The following HHIP variants were observed in gnomAD, a reference collection of about 807,000 sequenced individuals.
HHIP encodes hedgehog interacting protein.
HHIP carries 12 observed loss-of-function variants against 74.0 expected under a neutral mutation model. That is an observed-to-expected ratio of 0.16 (90% CI 0.10 to 0.26). HHIP has a LOEUF of 0.26. HHIP is among the 10% of genes least tolerant of loss of function. The pLI is 1.00. For synonymous variants in HHIP, 309 were observed against 311.6 expected (o/e 0.99, Z 0.09); for missense variants, 788 against 845.0 (o/e 0.93, Z 0.84).
At chr4:144,658,385 T>TTTA (rs1728606366) in intron 2 of HHIP, among the ~76,000 whole-genome samples, 4 of 136,854 alleles carry the variant, frequency 2.9e-5, no homozygotes, top group African/African-American at 8.7e-5. Flanking sequence ...TTATTTATTT[T>TTTA]TTCAGAAGGT....
rs957902418 is a variant in HHIP, at chr4:144,742,563, A to G, written c.*4606A>G. ...GGAAAAAATAAGAAGCAGTTCCTCA[A>G]TGGAGACTTTATAAATCTTAATTTC... On this transcript the variant is annotated 3_prime_UTR_variant, in exon 13 of 13. Transcript: ENST00000296575. 2 of 151,912 alleles carry G rather than the reference A, an allele frequency of 1.3e-5. No individual in the cohort carries two copies. The highest frequency in any genetic ancestry group is 2.9e-5 in the Non-Finnish European group (2 of 67,952). The allele number at this position is 151,912 out of a possible 1,614,324, so 9.4% of individuals were successfully genotyped here.
At chr4:144,720,598 G>A (rs953318538) in intron 11 of HHIP, among the ~76,000 whole-genome samples, 2 of 151,966 alleles carry the variant, frequency 1.3e-5, no homozygotes, top group African/African-American at 2.4e-5. Flanking sequence ...CTCTAGTAGG[G>A]TGGTCTCAGA....
chr4:144,670,717 A>AC (rs1729014318), intron 4 of HHIP, among the ~76,000 whole-genome samples: 1 of 150,036 alleles, frequency 6.7e-6, no homozygotes, highest in African/African-American at 2.4e-5. Context: ...GAAAAAAAAA[A>AC]AAAACAAACA....
intron 4 of HHIP, among the ~76,000 whole-genome samples, chr4:144,690,630 AC>A (rs1158143506): frequency 6.6e-6 from 1 of 152,234 alleles, no homozygotes; most frequent in Non-Finnish European, 1.5e-5. Flanking sequence ...CAGAGCGGAG[AC>A]TGGAAAGAGA....
chr4:144,647,290 G>A (rs893016727), intron 1 of HHIP: 6 of 239,428 alleles, frequency 2.5e-5, no homozygotes, highest in Admixed American at 5.5e-5. Context: ...CATTGGCTGC[G>A]GTGAAACTGT....
Position 144,710,845 on chromosome 4 carries a change from T to C in HHIP, c.1302-1105T>C, listed in dbSNP as rs141927541. Among the ~76,000 whole-genome samples, 914 of 152,318 alleles carry C rather than the reference T, an allele frequency of 6.0e-3. 10 individuals carry two copies. The highest frequency in any genetic ancestry group is 0.021 in the African/African-American group (888 of 41,570). ...GCCCAAAATGTCAGCAGTGCCAAGA[T>C]AGAGAAACCTAAAAACAATGCAAGC... On this transcript the variant is annotated intron_variant, in intron 7 of 12. Transcript: ENST00000296575.
At chr4:144,714,394 T>C in intron 9 of HHIP, 46 bp downstream of exon 9, 4 of 1,594,822 alleles carry the variant, frequency 2.5e-6, no homozygotes, top group South Asian at 2.2e-5. Flanking sequence ...AAATGACATA[T>C]CCATTAATCA....
intron 7 of HHIP, among the ~76,000 whole-genome samples, chr4:144,710,737 T>C (rs1019685324): frequency 3.9e-5 from 6 of 152,300 alleles, no homozygotes; most frequent in Admixed American, 2.6e-4. Flanking sequence ...GTGATGCTAC[T>C]GGCATTTTGC....
At chr4:144,668,357 T>C (rs538060125) in intron 4 of HHIP, among the ~76,000 whole-genome samples, 1 of 149,654 alleles carries the variant, frequency 6.7e-6, no homozygotes, top group African/African-American at 2.5e-5. Context: ...TGCCATGAAA[T>C]CAGAGAAGAG....
At chr4:144,671,477 C>G (rs1202315594) in intron 4 of HHIP, among the ~76,000 whole-genome samples, 3 of 152,160 alleles carry the variant, frequency 2.0e-5, no homozygotes, top group South Asian at 4.1e-4. Context: ...GGAGAGACTA[C>G]TAAATAAAAC....
chr4:144,721,594 GAAA>G (rs34173170), intron 11 of HHIP, among the ~76,000 whole-genome samples: 2 of 130,268 alleles, frequency 1.5e-5, no homozygotes, highest in Admixed American at 7.5e-5. Context: ...GTTATTTAAG[GAAA>G]AAAAAAAAAA....
At chr4:144,650,462 T>G (rs1403805721) in intron 1 of HHIP, among the ~76,000 whole-genome samples, 1 of 152,064 alleles carries the variant, frequency 6.6e-6, no homozygotes, top group African/African-American at 2.4e-5. Flanking sequence ...GACGGCATCA[T>G]CAGAAATAAA....
At chr4:144,694,107 A>C (rs1729750866) in intron 4 of HHIP, among the ~76,000 whole-genome samples, 1 of 151,992 alleles carries the variant, frequency 6.6e-6, no homozygotes, top group Admixed American at 6.6e-5. Context: ...AAAATATCAA[A>C]GATTCAAAGA....
rs557580153 is a variant in HHIP at position 144,689,407 on chromosome 4, G to T, written c.832-17124G>T. ...GTTACAAAGAAAAACAAATTGTCTA[G>T]TGTTACCGCTTAATACTTTGCCTGA... On this transcript the variant is annotated intron_variant, in intron 4 of 12. Transcript: ENST00000296575. Among the ~76,000 whole-genome samples the T allele has an allele frequency of 1.2e-3, 187 of 152,314 alleles. 2 individuals carry two copies. The South Asian group carries it at 0.015, about 12-fold the overall frequency.
chr4:144,646,787 A>G lies in HHIP; in HGVS notation c.112A>G (p.Arg38Gly). ...CGAAGGGAGCGGAGCAAGGAGGAGAAGGTGCCTGAATGGGAACCCCCCGAA... is the reference window on the plus strand; with the variant it reads ...CGAAGGGAGCGGAGCAAGGAGGAGAGGGTGCCTGAATGGGAACCCCCCGAA... ...RNEGSGARRRRCLNGNPPKRL... is the reference protein window; with the variant it reads ...RNEGSGARRRGCLNGNPPKRL... The change falls in exon 1 of 13, where the codon AGG becomes GGG. Residue 38 changes from arginine to glycine, a missense_variant. Around this residue, in one of 3 missense-constraint regions of HHIP, gnomAD observed 373 missense variants for 366.4 expected, o/e 1.02. Transcript: ENST00000296575. The G allele has an allele frequency of 6.2e-7, 1 of 1,614,222 alleles. No individual in the cohort carries two copies. Among genetic ancestry groups the G allele is most frequent in the South Asian group, 1.1e-5 (1 of 91,082 alleles).
At chr4:144,730,082 T>C (rs1420962984) in intron 11 of HHIP, among the ~76,000 whole-genome samples, 1 of 152,192 alleles carries the variant, frequency 6.6e-6, no homozygotes, top group Non-Finnish European at 1.5e-5. Flanking sequence ...AGAATACCAC[T>C]ACCCAAAGAC....
rs770375640 is a variant in HHIP, at chr4:144,743,368, T to A, written c.*5411T>A. 6.6e-6 allele frequency: 1 copy of A among 151,904 alleles called. No individual in the cohort carries two copies. Among genetic ancestry groups the A allele is most frequent in the Non-Finnish European group, 1.5e-5 (1 of 67,902 alleles). 9.4% of individuals were successfully genotyped at this position (151,904 alleles called of 1,614,324 possible). On this transcript the variant is annotated 3_prime_UTR_variant, in exon 13 of 13. Coordinates refer to ENST00000296575, the MANE Select transcript of HHIP (RefSeq NM_022475.3). ...ATTCCCATATAATTTGTATAAGTCA[T>A]ATATAAGTCCATTGACAAAATAAAA...
intron 4 of HHIP, among the ~76,000 whole-genome samples, chr4:144,692,942 T>G (rs1400550362): frequency 6.6e-6 from 1 of 152,058 alleles, no homozygotes; most frequent in Admixed American, 6.6e-5. Context: ...GCCCATACTC[T>G]TAAACACCAT....
chr4:144,701,214 CTG>C (rs1729973983), intron 4 of HHIP, among the ~76,000 whole-genome samples: 1 of 152,096 alleles, frequency 6.6e-6, no homozygotes, highest in Non-Finnish European at 1.5e-5. Flanking sequence ...TCATTCATAC[CTG>C]TGTGCTTGTG....
Sources: allele counts gnomAD v4.1 joint callset (sites outside exome capture counted in the v4.1 genomes callset), GRCh38; gene constraint gnomAD v4.1.1; regional missense constraint gnomAD v4.1.1; transcripts MANE v1.5; gene names NCBI Gene and HGNC (gene_info 2026-07-23, HGNC 2026-07-21).